The following CCDC91 variants were observed in gnomAD, a reference collection of about 807,000 sequenced individuals.
CCDC91 encodes the protein coiled-coil domain containing 91.
In CCDC91, 48 loss-of-function variants were observed where a neutral mutation model predicts 63.2. That is an observed-to-expected ratio of 0.76 (90% CI 0.60 to 0.97). The LOEUF (loss-of-function observed/expected upper bound fraction) is 0.97. CCDC91 is among the 50% of genes least tolerant of loss of function. CCDC91 has a pLI of 0.00. For missense variants in CCDC91, 500 were observed against 494.6 expected (o/e 1.01, Z -0.10); for synonymous variants, 167 against 165.8 (o/e 1.01, Z -0.06).
At chr12:28,232,860 A>G (rs942554303) in intron 1 of CCDC91, among the ~76,000 whole-genome samples, 10 of 151,926 alleles carry the variant, frequency 6.6e-5, no homozygotes, top group African/African-American at 2.4e-4. Context: ...GCATGCCTGT[A>G]ATCCCAGCTA....
chr12:28,495,964 G>A (rs1329074044), intron 12 of CCDC91, among the ~76,000 whole-genome samples: 1 of 151,482 alleles, frequency 6.6e-6, no homozygotes, highest in African/African-American at 2.4e-5. Flanking sequence ...TACAGCCATC[G>A]ACCCTTACAG....
intron 7 of CCDC91, among the ~76,000 whole-genome samples, chr12:28,383,144 A>G (rs1945394311): frequency 6.6e-6 from 1 of 152,118 alleles, no homozygotes. Flanking sequence ...AACAAGGCCA[A>G]CAGGAATGAT....
At chr12:28,316,746 A>C (rs766832541) in intron 6 of CCDC91, among the ~76,000 whole-genome samples, 8 of 150,802 alleles carry the variant, frequency 5.3e-5, no homozygotes, top group Non-Finnish European at 1.2e-4. Context: ...CTCTCATTTT[A>C]AAATTCTGTG....
rs1941758998 is a variant in CCDC91 at position 28,196,244 on chromosome 12, TAA to T, written c.-15+5605_-15+5606del. ...TGTTTTATGTTGTTTGGTTCTGTTG[TAA>T]ACAGTAACCTTTAAAAATTTTTAAA... On this transcript the variant is annotated intron_variant, in intron 1 of 12. Coordinates refer to ENST00000536442, the MANE Select transcript of CCDC91 (RefSeq NM_018318.5). Among the ~76,000 whole-genome samples, 3 of 152,272 alleles carry T rather than the reference TAA, an allele frequency of 2.0e-5. No homozygotes were observed. The South Asian group carries it at 6.2e-4, about 32-fold the overall frequency.
At chr12:28,209,165 T>G (rs1943060806) in intron 1 of CCDC91, among the ~76,000 whole-genome samples, 1 of 152,196 alleles carries the variant, frequency 6.6e-6, no homozygotes, top group Non-Finnish European at 1.5e-5. Flanking sequence ...ATTTCACCCT[T>G]GCATTAGTCT....
In CCDC91 at chr12:28,305,755, G is replaced by T; in HGVS notation, c.216G>T (p.Glu72Asp). The T allele has an allele frequency of 6.2e-7, 1 of 1,613,078 alleles. No individual in the cohort carries two copies. The highest frequency in any genetic ancestry group is 2.2e-5 in the East Asian group (1 of 44,812). ...LSSDAIISSPENTHAANSIVS... is the reference protein window; with the variant it reads ...LSSDAIISSPDNTHAANSIVS... ...CTGATGCCATTATTTCATCACCAGA[G>T]AATACACATGCAGCAAATAGCATTG... is the stretch of plus-strand genomic sequence containing the variant. The change falls in exon 4 of 13, where the codon GAG becomes GAT. Residue 72 changes from glutamate (E) to aspartate (D), a missense_variant. Physicochemically the swap from Glu to Asp is conservative, Grantham distance 45. Transcript: ENST00000536442.
intron 11 of CCDC91, among the ~76,000 whole-genome samples, chr12:28,464,000 C>T (rs1187733019): frequency 6.6e-6 from 1 of 152,122 alleles, no homozygotes; most frequent in African/African-American, 2.4e-5. Context: ...TCTGACACCA[C>T]CCCTCCCCAT....
chr12:28,391,313 C>CAGTCTTCAGTT lies in CCDC91; in HGVS notation c.666_676dup (p.Lys226SerfsTer8). On this transcript the variant is annotated frameshift_variant, in exon 8 of 13. Transcript: ENST00000536442. LOFTEE classifies it high-confidence loss of function. Reference sequence around the variant, plus strand: ...TTTTGCTTGTTTTCAGGCACTACTGCAGTCTTCAGTTAAGCAACAAGTAGA... The same window carrying CAGTCTTCAGTT: ...TTTTGCTTGTTTTCAGGCACTACTGCAGTCTTCAGTTAGTCTTCAGTTAAGCAACAAGTAGA... 6.2e-7 allele frequency: 1 copy of CAGTCTTCAGTT among 1,607,758 alleles called. No individual in the cohort carries two copies. Among genetic ancestry groups the CAGTCTTCAGTT allele is most frequent in the Non-Finnish European group, 8.5e-7 (1 of 1,174,588 alleles).
intron 3 of CCDC91, among the ~76,000 whole-genome samples, chr12:28,278,380 T>C (rs1948384690): frequency 2.0e-5 from 3 of 152,092 alleles, no homozygotes; most frequent in Admixed American, 2.0e-4. Flanking sequence ...AATCTTTTAA[T>C]TGAAGATATC....
At chr12:28,419,686 A>G (rs1344582727) in intron 8 of CCDC91, among the ~76,000 whole-genome samples, 1 of 152,140 alleles carries the variant, frequency 6.6e-6, no homozygotes, top group African/African-American at 2.4e-5. Context: ...AGTGTCATCA[A>G]TGCAACATTT....
intron 12 of CCDC91, among the ~76,000 whole-genome samples, chr12:28,502,436 T>C (rs1393429121): frequency 2.6e-5 from 4 of 151,612 alleles, no homozygotes; most frequent in Admixed American, 1.3e-4. Context: ...TAAAAGAGGA[T>C]ACAAACAAAT....
intron 11 of CCDC91, among the ~76,000 whole-genome samples, chr12:28,477,267 C>A (rs539059783): frequency 3.9e-5 from 6 of 152,264 alleles, no homozygotes; most frequent in African/African-American, 9.6e-5. Flanking sequence ...AAAAGCTTAT[C>A]CACCATGATC....
At chr12:28,417,620 G>GATATATATATATATAT (rs34996637) in intron 8 of CCDC91, among the ~76,000 whole-genome samples, 36 of 139,764 alleles carry the variant, frequency 2.6e-4, no homozygotes, top group African/African-American at 8.1e-4. Flanking sequence ...GAACCTTTGA[G>GATATATATATATATAT]ATATATATAT....
At position 28,203,850 on chromosome 12, in the gene CCDC91, G is replaced by A. The variant is rs186499192; in HGVS notation, c.-15+13209G>A. ...TCTTCAGTTTAGGCTTGTGAATTAT[G>A]GCTAAAAATTCAATTGAATTGCCAA... On this transcript the variant is annotated intron_variant, in intron 1 of 12. Transcript: ENST00000536442. Among the ~76,000 whole-genome samples, 201 of 152,112 alleles carry A rather than the reference G, an allele frequency of 1.3e-3. 2 individuals carry two copies. Among genetic ancestry groups the A allele is most frequent in the Admixed American group, 6.5e-3 (100 of 15,274 alleles).
intron 12 of CCDC91, among the ~76,000 whole-genome samples, chr12:28,530,657 ATC>A (rs1323911187): frequency 6.6e-6 from 1 of 152,186 alleles, no homozygotes; most frequent in Non-Finnish European, 1.5e-5. Flanking sequence ...ATAATTTTAT[ATC>A]TCCATGGTGT....
At chr12:28,396,713 ATATATTT>A (rs1946319378) in intron 8 of CCDC91, among the ~76,000 whole-genome samples, 1 of 151,770 alleles carries the variant, frequency 6.6e-6, no homozygotes, top group African/African-American at 2.4e-5. Context: ...ACACAAACAC[ATATATTT>A]TATATATATA....
At chr12:28,252,765 T>C (rs1398566145) in intron 1 of CCDC91, among the ~76,000 whole-genome samples, 1 of 152,174 alleles carries the variant, frequency 6.6e-6, no homozygotes, top group African/African-American at 2.4e-5. Flanking sequence ...CTATTTGTTT[T>C]TTAATTAGAT....
At chr12:28,511,066 C>A (rs1432371680) in intron 12 of CCDC91, among the ~76,000 whole-genome samples, 1 of 151,912 alleles carries the variant, frequency 6.6e-6, no homozygotes, top group Non-Finnish European at 1.5e-5. Flanking sequence ...CTAAGTTCAT[C>A]AGCTTACCAC....
Position 28,386,047 on chromosome 12 carries a change from C to A in CCDC91, c.655-5257C>A, listed in dbSNP as rs188240769. 5.9e-5 allele frequency among the ~76,000 whole-genome samples: 9 copies of A among 152,116 alleles called. No individual in the cohort carries two copies. In the East Asian group the frequency reaches 1.7e-3, roughly 29 times the overall value. ...CACACTATTTACTCACAGTTGAGCC[C>A]GTGGAGTAAAAAGAATGAATATTTC... On this transcript the variant is annotated intron_variant, in intron 7 of 12. Coordinates refer to ENST00000536442, the MANE Select transcript of CCDC91 (RefSeq NM_018318.5).
Sources: allele counts gnomAD v4.1 joint callset (sites outside exome capture counted in the v4.1 genomes callset), GRCh38; gene constraint gnomAD v4.1.1; transcripts MANE v1.5; gene names NCBI Gene and HGNC (gene_info 2026-07-23, HGNC 2026-07-21).